The following BCAR3 variants were observed in gnomAD, a reference collection of about 807,000 sequenced individuals.
The protein encoded by BCAR3 is BCAR3 adaptor protein, NSP family member, also known as breast cancer anti-estrogen resistance protein 3.
A neutral mutation model predicts 80.1 loss-of-function variants in BCAR3; 37 were observed. The observed-to-expected ratio is 0.46, with a 90% confidence interval of 0.36 to 0.61. The LOEUF (loss-of-function observed/expected upper bound fraction) is 0.61, where lower values mean the gene tolerates loss of function less well. Ranked by LOEUF, BCAR3 falls within the 20% of genes least tolerant of loss-of-function variation. BCAR3 has a pLI of 0.00. For missense variants in BCAR3, 978 were observed against 1,068.2 expected (o/e 0.92, Z 1.18); for synonymous variants, 389 against 418.9 (o/e 0.93, Z 0.87).
In BCAR3 at chr1:93,843,984, T is replaced by C. The variant is rs187658967; in HGVS notation, c.-63+1583A>G. ...TAGAAGTATAGTCCATTTCCAGAGCTTCTGGGAAGGCCGAAATCACTAACC... is the reference window on the plus strand; with the variant it reads ...TAGAAGTATAGTCCATTTCCAGAGCCTCTGGGAAGGCCGAAATCACTAACC... On this transcript the variant is annotated intron_variant, in intron 2 of 13. Transcript: ENST00000370244. 3.0e-3 allele frequency among the ~76,000 whole-genome samples: 450 copies of C among 152,260 alleles called. 1 individual carries two copies. The highest frequency in any genetic ancestry group is 0.011 in the African/African-American group (440 of 41,548).
chr1:93,742,504 G>T (rs1651211813), intron 2 of BCAR3, among the ~76,000 whole-genome samples: 1 of 152,148 alleles, frequency 6.6e-6, no homozygotes, highest in Non-Finnish European at 1.5e-5. Flanking sequence ...ACTCCCAGGG[G>T]ACCCTGGAAA....
chr1:93,636,357 AG>A (rs2101903448), intron 3 of BCAR3, among the ~76,000 whole-genome samples: 1 of 152,336 alleles, frequency 6.6e-6, no homozygotes, highest in South Asian at 2.1e-4. Flanking sequence ...GGGTCTAACA[AG>A]AACCCACCAA....
chr1:93,702,513 G>A (rs1354006390), intron 3 of BCAR3, among the ~76,000 whole-genome samples: 1 of 150,138 alleles, frequency 6.7e-6, no homozygotes, highest in Non-Finnish European at 1.5e-5. Flanking sequence ...GTGGCAGTGA[G>A]TCTGTGCTCA....
Position 93,592,130 on chromosome 1 carries a change from C to A in BCAR3, c.486+135G>T. On this transcript the variant is annotated intron_variant, in intron 4 of 11. Coordinates refer to ENST00000260502, the MANE Select transcript of BCAR3 (RefSeq NM_003567.4). The surrounding 1 kb of genome is among the most constrained non-coding windows in gnomAD (Gnocchi z 4.8). ...TCTTAGAGAAGGGTCTAAATGAAGT[C>A]ATTTTTAGAGTATTTGTTTTTGGTT... The A allele has an allele frequency of 7.7e-7, 1 of 1,299,756 alleles. No individual in the cohort carries two copies. The highest frequency in any genetic ancestry group is 1.4e-5 in the South Asian group (1 of 69,284). The allele number at this position is 1,299,756 out of a possible 1,614,324, so 80.5% of individuals were successfully genotyped here. A position where few individuals can be genotyped will look rare whatever the true frequency, so the allele number is the denominator to read the frequency against.
At chr1:93,632,849 C>T (rs912927057) in intron 3 of BCAR3, among the ~76,000 whole-genome samples, 1 of 152,096 alleles carries the variant, frequency 6.6e-6, no homozygotes, top group Non-Finnish European at 1.5e-5. Context: ...GAAACCCCGT[C>T]TCTAATAAAA....
At chr1:93,817,329 T>G (rs1654054832) in intron 2 of BCAR3, among the ~76,000 whole-genome samples, 1 of 152,240 alleles carries the variant, frequency 6.6e-6, no homozygotes, top group African/African-American at 2.4e-5. Flanking sequence ...CTCTGGTTTT[T>G]GGGGCTGAGA....
chr1:93,721,867 G>T (rs1456130753), intron 2 of BCAR3, among the ~76,000 whole-genome samples: 5 of 152,252 alleles, frequency 3.3e-5, no homozygotes, highest in Admixed American at 2.6e-4. Flanking sequence ...CTCTGGCCAG[G>T]TTAGGAGATT....
intron 3 of BCAR3, among the ~76,000 whole-genome samples, chr1:93,617,631 C>A (rs1172874744): frequency 6.6e-6 from 1 of 152,258 alleles, no homozygotes; most frequent in African/African-American, 2.4e-5. Context: ...CTCCCTCTCC[C>A]CTAAAGATCA....
intron 2 of BCAR3, among the ~76,000 whole-genome samples, chr1:93,713,546 G>A (rs1037649706): frequency 6.6e-6 from 1 of 152,136 alleles, no homozygotes; most frequent in Admixed American, 6.5e-5. Context: ...TTCAGGGTAG[G>A]GCAAGTGTGA....
At chr1:93,649,719 A>G (rs1030393804) in intron 2 of BCAR3, among the ~76,000 whole-genome samples, 1 of 152,130 alleles carries the variant, frequency 6.6e-6, no homozygotes, top group African/African-American at 2.4e-5. Context: ...GATATGACGA[A>G]TAGACCAGCA....
intron 2 of BCAR3, among the ~76,000 whole-genome samples, chr1:93,716,402 T>C (rs538845446): frequency 2.0e-5 from 3 of 152,312 alleles, no homozygotes; most frequent in African/African-American, 7.2e-5. Flanking sequence ...TAATATTGTT[T>C]GTAAAACACC....
intron 2 of BCAR3, among the ~76,000 whole-genome samples, chr1:93,796,584 C>A (rs1557691064): frequency 6.6e-6 from 1 of 151,768 alleles, no homozygotes; most frequent in Admixed American, 6.6e-5. Flanking sequence ...GAACCCGGTA[C>A]CTCAGATGGA....
intron 2 of BCAR3, among the ~76,000 whole-genome samples, chr1:93,673,845 T>C (rs1317140377): frequency 6.6e-6 from 1 of 152,246 alleles, no homozygotes; most frequent in African/African-American, 2.4e-5. Flanking sequence ...GTCTAATTTA[T>C]AGACATCCTG....
intron 2 of BCAR3, among the ~76,000 whole-genome samples, chr1:93,733,823 G>A (rs769151312): frequency 6.6e-6 from 1 of 152,244 alleles, no homozygotes; most frequent in African/African-American, 2.4e-5. Flanking sequence ...TTGGGGACTA[G>A]TATAAAGGTT....
intron 2 of BCAR3, among the ~76,000 whole-genome samples, chr1:93,788,173 C>G (rs1452263251): frequency 6.6e-6 from 1 of 151,998 alleles, no homozygotes. Context: ...TGTGGAATGT[C>G]TTTTTCCACC....
At chr1:93,754,675 CAT>C (rs931069372) in intron 2 of BCAR3, among the ~76,000 whole-genome samples, 20 of 152,188 alleles carry the variant, frequency 1.3e-4, no homozygotes, top group Non-Finnish European at 2.5e-4. Context: ...GCATTCCTCA[CAT>C]GTTTGTGGTG....
At chr1:93,803,176 T>G (rs1459678865) in intron 2 of BCAR3, among the ~76,000 whole-genome samples, 3 of 152,020 alleles carry the variant, frequency 2.0e-5, no homozygotes, top group African/African-American at 7.3e-5. Context: ...CTGCAATACC[T>G]CCACAAGATT....
chr1:93,643,406 C>T (rs148886792), intron 2 of BCAR3, among the ~76,000 whole-genome samples: 188 of 147,290 alleles, frequency 1.3e-3, no homozygotes, highest in African/African-American at 4.3e-3. Flanking sequence ...AATAGCTGGG[C>T]GTAGTGGTGA....
intron 6 of BCAR3, 51 bp from the exon 7 acceptor site, chr1:93,583,004 A>T: frequency 6.6e-7 from 1 of 1,505,764 alleles, no homozygotes; most frequent in Non-Finnish European, 8.8e-7. Flanking sequence ...TGGAGAATAT[A>T]AAACAAACAA....
Sources: gnomAD v4.1 joint callset for allele counts (sites outside exome capture counted in the v4.1 genomes callset) on GRCh38, gnomAD v4.1.1 for gene constraint, Gnocchi (gnomAD v3.1) non-coding constraint, MANE v1.5 for transcripts, NCBI Gene and HGNC (gene_info 2026-07-23, HGNC 2026-07-21) for gene names.